Variants in TOPBP1 observed in about 807,000 individuals in gnomAD.
TOPBP1 encodes DNA topoisomerase 2-binding protein 1.
A neutral mutation model predicts 167.7 loss-of-function variants in TOPBP1; 28 were observed. That is an observed-to-expected ratio of 0.17 (90% CI 0.12 to 0.23). TOPBP1 has a LOEUF of 0.23. TOPBP1 is among the 10% of genes least tolerant of loss of function. The pLI is 1.00. For missense variants in TOPBP1, 1,554 were observed against 1,809.6 expected (o/e 0.86, Z 2.56); for synonymous variants, 598 against 611.4 (o/e 0.98, Z 0.32).
intron 27 of TOPBP1, among the ~76,000 whole-genome samples, chr3:133,604,659 G>A (rs1249765509): frequency 1.3e-5 from 2 of 151,614 alleles, no homozygotes; most frequent in Admixed American, 1.3e-4. Flanking sequence ...AGTGGCTCAC[G>A]CCTGTAATCT....
intron 12 of TOPBP1, 29 bp downstream of exon 12, chr3:133,643,166 CCAATA>C: frequency 6.6e-7 from 1 of 1,505,670 alleles, no homozygotes; most frequent in Non-Finnish European, 8.8e-7. Flanking sequence ...AAAAGATACA[CCAATA>C]CAACAGGTGC....
rs1411004177 is a variant in TOPBP1 at position 133,623,139 on chromosome 3, T to C, written c.3130A>G (p.Lys1044Glu). ...CTTCCATTTGATGGTGCTGACTCTT[T>C]ATTATTGGTGGCCATATTGTCTACA... ...NDVDNMATNN[K>E]ESAPSNGSGK... Residue 1044 changes from lysine (K) to glutamate (E), a missense_variant, in exon 19 of 28, where the codon AAA becomes GAA. Physicochemically the swap from Lys to Glu is moderately conservative, Grantham distance 56 (BLOSUM62 1). Coordinates refer to ENST00000260810, the MANE Select transcript of TOPBP1 (RefSeq NM_007027.4). 1.9e-6 allele frequency: 3 copies of C among 1,612,440 alleles called. No individual in the cohort carries two copies. The highest frequency in any genetic ancestry group is 4.5e-5 in the East Asian group (2 of 44,858).
At chr3:133,661,284 A>G (rs9827019) in intron 1 of TOPBP1, 150 bp from the exon 2 acceptor site, 46,179 of 599,228 alleles carry the variant, frequency 0.077, 1,983 homozygotes, top group Middle Eastern at 0.11. Context: ...ATTTCTAAGA[A>G]ATCCTGGAAC....
chr3:133,657,484 C>T (rs138668025), intron 4 of TOPBP1, among the ~76,000 whole-genome samples: 2 of 150,140 alleles, frequency 1.3e-5, no homozygotes, highest in Non-Finnish European at 3.0e-5. Context: ...CTGATTCAAA[C>T]GATTTAGAAT....
chr3:133,615,335 G>C lies in TOPBP1; in HGVS notation c.3871+1479C>G, dbSNP rs1441823230. On this transcript the variant is annotated intron_variant, in intron 23 of 27. Transcript: ENST00000260810. Reference sequence around the variant, plus strand: ...AAATACAAAAATACAAAATTAGCCAGGCGTGGTGGCGCACACCTGTAATCC... The same window carrying C: ...AAATACAAAAATACAAAATTAGCCACGCGTGGTGGCGCACACCTGTAATCC... 1.9e-4 allele frequency among the ~76,000 whole-genome samples: 29 copies of C among 152,116 alleles called. 1 individual carries two copies. The highest frequency in any genetic ancestry group is 1.9e-3 in the Admixed American group (29 of 15,272).
At chr3:133,657,615 A>G (rs1936522539) in intron 4 of TOPBP1, among the ~76,000 whole-genome samples, 183 bp downstream of exon 4, 1 of 152,190 alleles carries the variant, frequency 6.6e-6, no homozygotes, top group Admixed American at 6.5e-5. Flanking sequence ...AAATTCTACT[A>G]TATTCAATTT....
intron 14 of TOPBP1, among the ~76,000 whole-genome samples, chr3:133,634,347 A>G (rs1171609749): frequency 6.6e-6 from 1 of 152,140 alleles, no homozygotes; most frequent in African/African-American, 2.4e-5. Context: ...CATCTCTACT[A>G]AAAATACAAA....
chr3:133,621,555 T>C (rs1935088429), intron 19 of TOPBP1, among the ~76,000 whole-genome samples: 2 of 152,262 alleles, frequency 1.3e-5, no homozygotes, highest in Non-Finnish European at 1.5e-5. Context: ...AGGATGTGCA[T>C]TGGTTAAATT....
chr3:133,625,885 C>T (rs1935250886), intron 16 of TOPBP1, among the ~76,000 whole-genome samples: 1 of 152,144 alleles, frequency 6.6e-6, no homozygotes, highest in Admixed American at 6.5e-5. Context: ...ATAACTGTCT[C>T]CCTTTCTGCG....
In TOPBP1 at chr3:133,654,786, GGT is replaced by G. The variant is rs1426867312; in HGVS notation, c.742+502_742+503del. 3.3e-5 allele frequency among the ~76,000 whole-genome samples: 5 copies of G among 152,036 alleles called. No individual in the cohort carries two copies. The South Asian group carries it at 8.3e-4, about 25-fold the overall frequency. ...TTTTTTACTGCCTCATGTGCCGCAA[GGT>G]GTGTCTTCCAGTTAAAACTTTGCAA... On this transcript the variant is annotated intron_variant, in intron 6 of 27. Transcript: ENST00000260810.
At chr3:133,634,233 G>A (rs1002837857) in intron 14 of TOPBP1, among the ~76,000 whole-genome samples, 1 of 152,238 alleles carries the variant, frequency 6.6e-6, no homozygotes, top group African/African-American at 2.4e-5. Context: ...AAAAGGCCAG[G>A]TGTTGTGGCT....
chr3:133,660,222 C>G (rs1377815125), intron 2 of TOPBP1, among the ~76,000 whole-genome samples: 1 of 152,210 alleles, frequency 6.6e-6, no homozygotes, highest in Non-Finnish European at 1.5e-5. Context: ...CTACCCTGAT[C>G]ACACCCTATT....
chr3:133,637,454 C>G (rs1192996713), intron 14 of TOPBP1, among the ~76,000 whole-genome samples: 1 of 152,106 alleles, frequency 6.6e-6, no homozygotes, highest in African/African-American at 2.4e-5. Flanking sequence ...GAAGGCAAAT[C>G]CCGGGTGTAC....
chr3:133,646,516 TGGTGC>T (rs1936079981), intron 10 of TOPBP1, among the ~76,000 whole-genome samples: 1 of 151,980 alleles, frequency 6.6e-6, no homozygotes, highest in South Asian at 2.1e-4. Flanking sequence ...CTGGGCGTGG[TGGTGC>T]ACACCTGTAC....
intron 23 of TOPBP1, 118 bp from the exon 24 acceptor site, chr3:133,612,670 C>CA (rs1350543431): frequency 1.3e-5 from 11 of 872,592 alleles, no homozygotes; most frequent in African/African-American, 1.2e-4. Flanking sequence ...CCATTTAAAC[C>CA]AAAAAAACTT....
rs191396909 is a variant in TOPBP1 at position 133,638,156 on chromosome 3, C to T, written c.2240G>A (p.Ser747Asn). 8 of 1,612,908 alleles carry T rather than the reference C, an allele frequency of 5.0e-6. No individual in the cohort carries two copies. The Admixed American group carries it at 8.3e-5, about 17-fold the overall frequency. ...LIENSTKEER[S>N]LETEITNGIN... ...TCCATTTGTTATTTCTGTTTCCAAACTTCGTTCTAGAGATTTAAAATGAAA... is the reference window on the plus strand; with the variant it reads ...TCCATTTGTTATTTCTGTTTCCAAATTTCGTTCTAGAGATTTAAAATGAAA... Residue 747 changes from serine to asparagine, a missense_variant, in exon 14 of 28, where the codon AGT becomes AAT. Physicochemically the swap from Ser to Asn is conservative, Grantham distance 46. Coordinates refer to ENST00000260810, the MANE Select transcript of TOPBP1 (RefSeq NM_007027.4).
At chr3:133,632,631 T>C (rs765813452) in intron 14 of TOPBP1, among the ~76,000 whole-genome samples, 9 of 152,186 alleles carry the variant, frequency 5.9e-5, no homozygotes, top group Non-Finnish European at 1.0e-4. Flanking sequence ...TCTATCTGCC[T>C]TCAGCACACG....
At chr3:133,631,827 G>A (rs989791193) in intron 14 of TOPBP1, among the ~76,000 whole-genome samples, 1 of 151,968 alleles carries the variant, frequency 6.6e-6, no homozygotes, top group African/African-American at 2.4e-5. Flanking sequence ...TAGTAGAGAT[G>A]GGGTTTCGCC....
intron 13 of TOPBP1, among the ~76,000 whole-genome samples, chr3:133,638,700 C>T (rs1421390117): frequency 6.6e-6 from 1 of 152,196 alleles, no homozygotes; most frequent in African/African-American, 2.4e-5. Flanking sequence ...TCCCAAGCTG[C>T]TGATATGTCC....
Sources: allele counts gnomAD v4.1 joint callset (sites outside exome capture counted in the v4.1 genomes callset), GRCh38; gene constraint gnomAD v4.1.1; transcripts MANE v1.5; gene names NCBI Gene and HGNC (gene_info 2026-07-23, HGNC 2026-07-21).